TMEM184B: variants seen among roughly 807,000 people sequenced by gnomAD.
TMEM184B encodes the protein transmembrane protein 184B.
TMEM184B carries 17 observed loss-of-function variants against 41.8 expected under a neutral mutation model. The ratio of observed to expected loss-of-function variants is 0.41; its 90% confidence interval spans 0.28 to 0.61. The LOEUF is 0.61. TMEM184B is among the 20% of genes least tolerant of loss of function. TMEM184B has a pLI of 0.34. For synonymous variants in TMEM184B, 240 were observed against 229.5 expected (o/e 1.05, Z -0.41); for missense variants, 393 against 557.8 (o/e 0.70, Z 2.98).
At position 38,235,095 on chromosome 22, in the gene TMEM184B, A is replaced by G. The variant is rs539412996; in HGVS notation, c.359-3761T>C. Among the ~76,000 whole-genome samples, 391 of 152,316 alleles carry G rather than the reference A, an allele frequency of 2.6e-3. 2 individuals carry two copies. Among genetic ancestry groups the G allele is most frequent in the African/African-American group, 9.0e-3 (373 of 41,564 alleles). On this transcript the variant is annotated intron_variant, in intron 3 of 8. Coordinates refer to ENST00000361906, the MANE Select transcript of TMEM184B (RefSeq NM_012264.5). ...AGGGCCTGGCAGCTACAAACATGTC[A>G]TCAACACTGAAGGAAGGAATGGACA...
intron 2 of TMEM184B, 78 bp downstream of exon 2, chr22:38,247,687 GGCCTA>G (rs2092066424): frequency 6.7e-7 from 1 of 1,481,852 alleles, no homozygotes; most frequent in Non-Finnish European, 9.0e-7. Context: ...AGTGCAGCCT[GGCCTA>G]GCCTAGCCTA....
Position 38,226,759 on chromosome 22 carries a change from G to A in TMEM184B, c.617+20C>T, listed in dbSNP as rs368131272. ...CGCCAACACTCCTCCCACACACCCC[G>A]GGGAGCACCCGCTGCTTACTCAAAG... On this transcript the variant is annotated intron_variant, in intron 6 of 8. Transcript: ENST00000361906. The surrounding 1 kb of genome is among the most constrained non-coding windows in gnomAD (Gnocchi z 4.6). The A allele has an allele frequency of 3.2e-5, 50 of 1,578,822 alleles. No individual in the cohort carries two copies. Among genetic ancestry groups the A allele is most frequent in the Middle Eastern group, 3.3e-4 (2 of 6,034 alleles).
At chr22:38,231,411 T>C (rs1445813836) in intron 3 of TMEM184B, 77 bp from the exon 4 acceptor site, 2 of 1,213,370 alleles carry the variant, frequency 1.6e-6, no homozygotes, top group Non-Finnish European at 2.5e-6. Context: ...TAAACAGCAA[T>C]GGAGGTGAAA....
At chr22:38,259,614 G>A (rs1256694492) in intron 1 of TMEM184B, among the ~76,000 whole-genome samples, 1 of 152,118 alleles carries the variant, frequency 6.6e-6, no homozygotes, top group African/African-American at 2.4e-5. Context: ...AAGAGGCAGG[G>A]AAATAATTCT....
intron 1 of TMEM184B, among the ~76,000 whole-genome samples, chr22:38,261,436 G>T (rs570507768): frequency 1.3e-5 from 2 of 152,260 alleles, no homozygotes; most frequent in South Asian, 4.1e-4. Context: ...AAGTTCCCAG[G>T]AATCTCTCAA....
chr22:38,256,977 G>GTTTTTTTTTT (rs777863582), intron 1 of TMEM184B, among the ~76,000 whole-genome samples: 69 of 124,282 alleles, frequency 5.6e-4, no homozygotes, highest in African/African-American at 1.5e-3. Flanking sequence ...GACATTAATA[G>GTTTTTTTTTT]TTTTTTTTTT....
chr22:38,240,732 C>CAAAAAAAAAAAAAAAAAAAAAAA (rs550793359), intron 3 of TMEM184B, among the ~76,000 whole-genome samples: 1 of 66,562 alleles, frequency 1.5e-5, no homozygotes. Context: ...GAAAAAAAGG[C>CAAAAAAAAAAAAAAAAAAAAAAA]AAAAAAAAAA....
intron 1 of TMEM184B, among the ~76,000 whole-genome samples, chr22:38,272,152 G>A (rs532833726): frequency 7.9e-5 from 12 of 152,208 alleles, no homozygotes; most frequent in Non-Finnish European, 1.6e-4. Flanking sequence ...CTCCAGAGGG[G>A]ATATGTATTG....
chr22:38,217,929 T>C (rs1055880846), downstream of TMEM184B, among the ~76,000 whole-genome samples: 6 of 151,904 alleles, frequency 3.9e-5, no homozygotes, highest in South Asian at 2.1e-4. Context: ...TGAGCTATGA[T>C]TGCACCACTG....
intron 3 of TMEM184B, chr22:38,231,675 GC>G (rs766869374): frequency 6.2e-5 from 29 of 466,674 alleles, no homozygotes; most frequent in Non-Finnish European, 1.1e-4. Context: ...GGGAGGGCTG[GC>G]AGTGTCGACC....
At chr22:38,232,539 G>T (rs2091661663) in intron 3 of TMEM184B, among the ~76,000 whole-genome samples, 1 of 152,148 alleles carries the variant, frequency 6.6e-6, no homozygotes, top group African/African-American at 2.4e-5. Context: ...CCAGGGTGAG[G>T]ACATGGGAAT....
intron 4 of TMEM184B, among the ~76,000 whole-genome samples, 188 bp downstream of exon 4, chr22:38,231,056 A>C (rs2091602883): frequency 6.6e-6 from 1 of 152,208 alleles, no homozygotes; most frequent in Non-Finnish European, 1.5e-5. Flanking sequence ...CAGAGAGAGA[A>C]AGACTGAGCC....
chr22:38,248,757 C>A (rs1182939267), intron 1 of TMEM184B, among the ~76,000 whole-genome samples: 1 of 152,216 alleles, frequency 6.6e-6, no homozygotes, highest in African/African-American at 2.4e-5. Flanking sequence ...GGACACACAA[C>A]AGAAATTCGG....
At chr22:38,232,475 G>A (rs997243532) in intron 3 of TMEM184B, among the ~76,000 whole-genome samples, 6 of 152,156 alleles carry the variant, frequency 3.9e-5, no homozygotes, top group Admixed American at 6.5e-5. Flanking sequence ...TGGAGAAGGC[G>A]GGGGAAGGGG....
chr22:38,256,609 C>T (rs1357100175), intron 1 of TMEM184B, among the ~76,000 whole-genome samples: 1 of 152,210 alleles, frequency 6.6e-6, no homozygotes, highest in Non-Finnish European at 1.5e-5. Flanking sequence ...TCTTACTACA[C>T]ATTTCATAGA....
rs561332891 is a variant in TMEM184B at position 38,244,404 on chromosome 22, G to C, written c.358+1531C>G. On this transcript the variant is annotated intron_variant, in intron 3 of 8. Transcript: ENST00000361906. Reference sequence around the variant, plus strand: ...ACCTAAAACCAGCAGCACAGGTGTGGGTAGGAGACAGGAAACCTCACACTC... The same window carrying C: ...ACCTAAAACCAGCAGCACAGGTGTGCGTAGGAGACAGGAAACCTCACACTC... Among the ~76,000 whole-genome samples, 27 of 152,158 alleles carry C rather than the reference G, an allele frequency of 1.8e-4. 1 individual carries two copies. The highest frequency in any genetic ancestry group is 6.5e-4 in the African/African-American group (27 of 41,528).
Position 38,220,884 on chromosome 22 carries a change from T to G in TMEM184B, c.*585A>C. ...CTTCCTGGGTGGGGCCTGTGACTCC[T>G]GGTGTCTGGCTCTGATCCTTGCAGC... is the stretch of plus-strand genomic sequence containing the variant. On this transcript the variant is annotated 3_prime_UTR_variant, in exon 9 of 9. Transcript: ENST00000361906. 2.0e-6 allele frequency: 2 copies of G among 986,158 alleles called. No homozygotes were observed. The highest frequency in any genetic ancestry group is 1.2e-6 in the Non-Finnish European group (1 of 830,150). 61.1% of individuals were successfully genotyped at this position (986,158 alleles called of 1,614,324 possible).
At chr22:38,242,397 GA>G (rs1241900240) in intron 3 of TMEM184B, among the ~76,000 whole-genome samples, 3 of 152,018 alleles carry the variant, frequency 2.0e-5, no homozygotes, top group African/African-American at 4.8e-5. Flanking sequence ...AGAATTGCTT[GA>G]ACCCAGGAGG....
chr22:38,252,353 A>G (rs2092185339), intron 1 of TMEM184B, among the ~76,000 whole-genome samples: 1 of 152,064 alleles, frequency 6.6e-6, no homozygotes, highest in Non-Finnish European at 1.5e-5. Context: ...GAGCCACCAC[A>G]ACTGTCTCCC....
Sources: gnomAD v4.1 joint callset for allele counts (sites outside exome capture counted in the v4.1 genomes callset) on GRCh38, gnomAD v4.1.1 for gene constraint, Gnocchi (gnomAD v3.1) non-coding constraint, MANE v1.5 for transcripts, NCBI Gene and HGNC (gene_info 2026-07-23, HGNC 2026-07-21) for gene names.